The following CSMD1 variants were observed in gnomAD, a reference collection of about 807,000 sequenced individuals.
CSMD1 encodes CUB and sushi domain-containing protein 1.
A neutral mutation model predicts 417.5 loss-of-function variants in CSMD1; 213 were observed. That is an observed-to-expected ratio of 0.51 (90% CI 0.46 to 0.57). The LOEUF is 0.57. Ranked by LOEUF, CSMD1 falls within the 20% of genes least tolerant of loss-of-function variation. The pLI is 0.00. For synonymous variants in CSMD1, 2,862 were observed against 1,736.8 expected (o/e 1.65, Z -16.11); for missense variants, 6,923 against 4,529.7 (o/e 1.53, Z -15.17).
chr8:3,331,015 C>T (rs1358890248), intron 23 of CSMD1, among the ~76,000 whole-genome samples: 1 of 151,800 alleles, frequency 6.6e-6, no homozygotes, highest in Admixed American at 6.6e-5. Flanking sequence ...CTTTGGGAGG[C>T]CGAGGCGGGC....
intron 2 of CSMD1, among the ~76,000 whole-genome samples, chr8:4,581,463 A>G (rs950185166): frequency 9.2e-5 from 14 of 152,302 alleles, no homozygotes; most frequent in African/African-American, 3.4e-4. Context: ...CTATTTTGAA[A>G]ACTGTTTTTG....
At chr8:4,705,002 G>C (rs750937363) in intron 1 of CSMD1, among the ~76,000 whole-genome samples, 3 of 152,164 alleles carry the variant, frequency 2.0e-5, no homozygotes, top group African/African-American at 4.8e-5. Flanking sequence ...TTGAGGAAGC[G>C]TCCTGTAATT....
chr8:3,263,218 C>A (rs550709984), intron 26 of CSMD1, among the ~76,000 whole-genome samples: 237 of 152,304 alleles, frequency 1.6e-3, no homozygotes, highest in African/African-American at 5.1e-3. Context: ...CCTGCCTCAG[C>A]CTCCCGAGTA....
In CSMD1 at chr8:4,944,587, A is replaced by C. The variant is rs114669022; in HGVS notation, c.85+49745T>G. Among the ~76,000 whole-genome samples the C allele has an allele frequency of 5.0e-3, 754 of 152,322 alleles. 7 individuals are homozygous for C. Among genetic ancestry groups the C allele is most frequent in the African/African-American group, 0.018 (728 of 41,554 alleles). ...TGAAGAGACAAAATAAATACACAAGAAATAAATTGAAACATTAATTCAAAA... is the reference window on the plus strand; with the variant it reads ...TGAAGAGACAAAATAAATACACAAGCAATAAATTGAAACATTAATTCAAAA... On this transcript the variant is annotated intron_variant, in intron 1 of 69. Transcript: ENST00000635120.
intron 2 of CSMD1, among the ~76,000 whole-genome samples, chr8:4,422,828 GA>G (rs1797325056): frequency 2.0e-5 from 3 of 152,008 alleles, no homozygotes; most frequent in Admixed American, 1.3e-4. Flanking sequence ...AATTATACAC[GA>G]TGATCAAATG....
Position 4,177,756 on chromosome 8 carries a change from C to T in CSMD1, c.416-145657G>A, listed in dbSNP as rs1011334998. On this transcript the variant is annotated intron_variant, in intron 3 of 69. Transcript: ENST00000635120. ...AAAATGATAAAGGGGATATCACCAC[C>T]GATCCCACTGAAATACAAACTGCCA... is the stretch of plus-strand genomic sequence containing the variant. 1.7e-4 allele frequency among the ~76,000 whole-genome samples: 25 copies of T among 151,350 alleles called. 1 individual carries two copies. The highest frequency in any genetic ancestry group is 2.7e-4 in the African/African-American group (11 of 41,140).
At chr8:4,159,133 C>T (rs1584930675) in intron 3 of CSMD1, among the ~76,000 whole-genome samples, 1 of 152,096 alleles carries the variant, frequency 6.6e-6, no homozygotes, top group East Asian at 1.9e-4. Context: ...GCAGGCTGGT[C>T]TTGAACTCCC....
intron 3 of CSMD1, among the ~76,000 whole-genome samples, chr8:4,343,574 G>C (rs138363294): frequency 6.6e-6 from 1 of 152,006 alleles, no homozygotes; most frequent in Non-Finnish European, 1.5e-5. Flanking sequence ...CAATAGAGCT[G>C]GAATAAAGTA....
chr8:4,691,596 A>C (rs1323551668), intron 1 of CSMD1, among the ~76,000 whole-genome samples: 1 of 152,190 alleles, frequency 6.6e-6, no homozygotes, highest in Non-Finnish European at 1.5e-5. Flanking sequence ...TTCTCCTTCC[A>C]GGAACTGTGG....
intron 10 of CSMD1, among the ~76,000 whole-genome samples, chr8:3,528,452 T>C (rs1243207020): frequency 2.0e-5 from 3 of 152,234 alleles, no homozygotes; most frequent in Non-Finnish European, 2.9e-5. Flanking sequence ...CCTGCTTCTA[T>C]GCCTTGCTTC....
At chr8:4,195,261 G>A (rs373733824) in intron 3 of CSMD1, among the ~76,000 whole-genome samples, 2 of 152,058 alleles carry the variant, frequency 1.3e-5, no homozygotes, top group East Asian at 1.9e-4. Flanking sequence ...TAAGAGACAG[G>A]GTCTTGCTCT....
At chr8:3,603,105 A>G (rs1436682263) in intron 8 of CSMD1, among the ~76,000 whole-genome samples, 1 of 152,166 alleles carries the variant, frequency 6.6e-6, no homozygotes, top group East Asian at 1.9e-4. Flanking sequence ...TCATTTTTCA[A>G]AGGGACATAA....
chr8:4,010,660 T>C (rs1207973059), intron 4 of CSMD1, among the ~76,000 whole-genome samples: 9 of 152,156 alleles, frequency 5.9e-5, no homozygotes, highest in African/African-American at 2.4e-5. Context: ...TTTTGACTCA[T>C]GGGACCTAGA....
At chr8:4,090,760 G>A (rs1800674978) in intron 3 of CSMD1, among the ~76,000 whole-genome samples, 1 of 152,170 alleles carries the variant, frequency 6.6e-6, no homozygotes, top group South Asian at 2.1e-4. Flanking sequence ...AAAAATTGAA[G>A]TAGTGGGTTA....
chr8:4,294,379 G>C (rs935007706), intron 3 of CSMD1, among the ~76,000 whole-genome samples: 2 of 152,174 alleles, frequency 1.3e-5, no homozygotes, highest in Admixed American at 6.6e-5. Context: ...GAGAGTGCAA[G>C]ATGTCACCGT....
chr8:3,289,983 C>T (rs868383955), intron 25 of CSMD1, among the ~76,000 whole-genome samples: 15 of 147,114 alleles, frequency 1.0e-4, no homozygotes, highest in South Asian at 6.2e-4. Flanking sequence ...GTCTTTAATC[C>T]ATCTTGAATT....
chr8:3,118,682 T>TG, intron 41 of CSMD1, 95 bp from the exon 42 acceptor site: 1 of 1,089,960 alleles, frequency 9.2e-7, no homozygotes, highest in Non-Finnish European at 1.3e-6. Context: ...CTGCTTGAGA[T>TG]GAAGTTGTTG....
chr8:3,820,701 G>C (rs1177731490), intron 5 of CSMD1, among the ~76,000 whole-genome samples: 1 of 152,068 alleles, frequency 6.6e-6, no homozygotes, highest in Admixed American at 6.6e-5. Context: ...TTAGCCTCCT[G>C]AGTAGCTGGG....
At chr8:4,500,242 G>T (rs1802189097) in intron 2 of CSMD1, among the ~76,000 whole-genome samples, 1 of 152,016 alleles carries the variant, frequency 6.6e-6, no homozygotes, top group Non-Finnish European at 1.5e-5. Context: ...TAAACATCAT[G>T]TAAGAGAGAT....
Sources: gnomAD v4.1 joint callset for allele counts (sites outside exome capture counted in the v4.1 genomes callset) on GRCh38, gnomAD v4.1.1 for gene constraint, MANE v1.5 for transcripts, NCBI Gene and HGNC (gene_info 2026-07-23, HGNC 2026-07-21) for gene names.